The following MTOR variants were observed in gnomAD, a reference collection of about 807,000 sequenced individuals.
The protein encoded by MTOR is mechanistic target of rapamycin kinase.
Under a neutral mutation model 319.8 loss-of-function variants are expected in MTOR, and 70 were observed. That is an observed-to-expected ratio of 0.22 (90% CI 0.18 to 0.27). The LOEUF (loss-of-function observed/expected upper bound fraction) is 0.27. Ranked by LOEUF, MTOR falls within the 10% of genes least tolerant of loss-of-function variation. MTOR has a pLI of 1.00. For synonymous variants in MTOR, 1,183 were observed against 1,211.4 expected, an observed-to-expected ratio of 0.98 and a Z score of 0.49; for missense variants, 1,890 against 3,274.4, an observed-to-expected ratio of 0.58 and a Z score of 10.32.
intron 13 of MTOR, among the ~76,000 whole-genome samples, chr1:11,236,619 C>T (rs1647262212): frequency 6.6e-6 from 1 of 151,818 alleles, no homozygotes; most frequent in African/African-American, 2.4e-5. Context: ...GCAATTCTCC[C>T]TGCACCAGCC....
rs757447081 is a variant in MTOR, at chr1:11,194,653, C to T, written c.4253+4605G>A. 4.3e-5 allele frequency: 70 copies of T among 1,614,034 alleles called. No individual in the cohort carries two copies. The highest frequency in any genetic ancestry group is 5.0e-5 in the Non-Finnish European group (59 of 1,180,040). On this transcript the variant is annotated intron_variant, in intron 28 of 57. Transcript: ENST00000361445. ...CTGCTTGGACAAGTGTGCACAGCTC[C>T]GCAAAGGTGAGATTTGGGGGGACCG...
intron 26 of MTOR, among the ~76,000 whole-genome samples, chr1:11,202,016 G>A (rs1005524386): frequency 1.1e-4 from 16 of 152,224 alleles, no homozygotes; most frequent in African/African-American, 3.9e-4. Context: ...AGGTTGCCCA[G>A]GCTGGTCTTG....
chr1:11,194,554 G>A, intron 28 of MTOR: 1 of 1,614,160 alleles, frequency 6.2e-7, no homozygotes. Context: ...GAACTACACT[G>A]GCAATGTGGG....
intron 24 of MTOR, among the ~76,000 whole-genome samples, chr1:11,209,724 C>T (rs1039257960): frequency 5.3e-5 from 8 of 152,130 alleles, no homozygotes; most frequent in African/African-American, 1.9e-4. Context: ...AAACAATTGT[C>T]GGCAATGGGA....
rs1318269531 is a variant in MTOR, at chr1:11,150,109, T to C, written c.4570+17A>G. ...CTCACCCCATCCTTCACAGGGTGCCTGTGAGGGAAGCTTTACCTAAACCCC... is the reference window on the plus strand; with the variant it reads ...CTCACCCCATCCTTCACAGGGTGCCCGTGAGGGAAGCTTTACCTAAACCCC... On this transcript the variant is annotated intron_variant, in intron 31 of 57. Coordinates refer to ENST00000361445, the MANE Select transcript of MTOR (RefSeq NM_004958.4). 1 of 1,610,954 alleles carries C rather than the reference T, an allele frequency of 6.2e-7. No homozygotes were observed. Among genetic ancestry groups the C allele is most frequent in the Non-Finnish European group, 8.5e-7 (1 of 1,177,774 alleles).
intron 26 of MTOR, among the ~76,000 whole-genome samples, chr1:11,200,889 C>T (rs1645945727): frequency 6.6e-6 from 1 of 151,896 alleles, no homozygotes; most frequent in Admixed American, 6.6e-5. Context: ...GTGGTGGTGG[C>T]CTGTAGTCCC....
chr1:11,107,388 A>C lies in MTOR; in HGVS notation c.*97T>G, dbSNP rs1221065587. 1.9e-6 allele frequency: 3 copies of C among 1,565,716 alleles called. No individual in the cohort carries two copies. Among genetic ancestry groups the C allele is most frequent in the South Asian group, 1.2e-5 (1 of 83,430 alleles). On this transcript the variant is annotated 3_prime_UTR_variant, in exon 58 of 58. Coordinates refer to ENST00000361445, the MANE Select transcript of MTOR (RefSeq NM_004958.4). ...CATTTACATTTCAAAATATTTAACAAAGTCAAACTTTCTCACCATGGTTTC... is the reference window on the plus strand; with the variant it reads ...CATTTACATTTCAAAATATTTAACACAGTCAAACTTTCTCACCATGGTTTC...
rs1433194968 is a variant in MTOR, at chr1:11,231,258, C to T, written c.2649+42G>A. The T allele has an allele frequency of 1.9e-6, 3 of 1,612,012 alleles. No homozygotes were observed. In the African/African-American group the frequency reaches 4.0e-5, roughly 22 times the overall value. On this transcript the variant is annotated intron_variant, in intron 17 of 57. Transcript: ENST00000361445. The stretch of plus-strand genomic sequence containing the variant: ...GCAACCATCTCTCTCTTGCCATCGT[C>T]CCAGCAAAGTCTTTAAAGACCAAGT...
At chr1:11,228,511 G>T (rs2100852633) in intron 19 of MTOR, among the ~76,000 whole-genome samples, 157 bp downstream of exon 19, 1 of 152,168 alleles carries the variant, frequency 6.6e-6, no homozygotes, top group East Asian at 1.9e-4. Flanking sequence ...ACACTGGAGT[G>T]AGCTGATTGT....
chr1:11,256,879 C>G lies in MTOR; in HGVS notation c.504+54G>C, dbSNP rs565848493. ...CCTCAGAAGGAAGCAAAAGACCCCC[C>G]CATGACACCATCGTTCCCCAAGCCT... On this transcript the variant is annotated intron_variant, in intron 4 of 57. Transcript: ENST00000361445. 2.4e-4 allele frequency: 374 copies of G among 1,539,856 alleles called. 1 individual carries two copies. Among genetic ancestry groups the G allele is most frequent in the Admixed American group, 5.3e-4 (29 of 55,118 alleles).
intron 28 of MTOR, among the ~76,000 whole-genome samples, 165 bp from the exon 29 acceptor site, chr1:11,167,682 C>T (rs1254443227): frequency 1.3e-5 from 2 of 152,136 alleles, no homozygotes; most frequent in African/African-American, 2.4e-5. Context: ...CAGTTTAAAT[C>T]GTTTCATCTG....
At chr1:11,201,376 G>A (rs953233304) in intron 26 of MTOR, among the ~76,000 whole-genome samples, 1 of 152,160 alleles carries the variant, frequency 6.6e-6, no homozygotes, top group South Asian at 2.1e-4. Flanking sequence ...GGAAGTCCTA[G>A]AAACTATTTT....
intron 36 of MTOR, among the ~76,000 whole-genome samples, chr1:11,136,903 G>A (rs1296038604): frequency 6.7e-6 from 1 of 150,222 alleles, no homozygotes; most frequent in Non-Finnish European, 1.5e-5. Flanking sequence ...GTGCAGTGGC[G>A]TGATCTTGGC....
chr1:11,231,486 G>A, intron 16 of MTOR, 52 bp from the exon 17 acceptor site: 1 of 1,602,348 alleles, frequency 6.2e-7, no homozygotes, highest in Middle Eastern at 1.7e-4. Context: ...AGAAAAGAAA[G>A]CATAGTTGAA....
chr1:11,189,877 A>G, intron 28 of MTOR: 1 of 1,614,188 alleles, frequency 6.2e-7, no homozygotes, highest in African/African-American at 1.3e-5. Flanking sequence ...AGATGCTGAG[A>G]GCAAGTACTC....
intron 8 of MTOR, among the ~76,000 whole-genome samples, chr1:11,245,905 G>A (rs1648747808): frequency 6.6e-6 from 1 of 151,926 alleles, no homozygotes; most frequent in South Asian, 2.1e-4. Flanking sequence ...GCAAGACCCT[G>A]TCTCAAAAAA....
At chr1:11,196,632 A>G (rs1645794520) in intron 28 of MTOR, among the ~76,000 whole-genome samples, 1 of 152,160 alleles carries the variant, frequency 6.6e-6, no homozygotes, top group Admixed American at 6.5e-5. Context: ...AGGCGGGTGG[A>G]TCACGAGGTC....
At chr1:11,169,756 A>C (rs934870666) in intron 28 of MTOR, among the ~76,000 whole-genome samples, 3 of 152,126 alleles carry the variant, frequency 2.0e-5, no homozygotes, top group Non-Finnish European at 2.9e-5. Flanking sequence ...TTTGAATGTA[A>C]ATTCCTTATC....
chr1:11,260,766 C>T (rs1202283706), intron 1 of MTOR, among the ~76,000 whole-genome samples: 1 of 149,970 alleles, frequency 6.7e-6, no homozygotes, highest in South Asian at 2.1e-4. Context: ...TTTACACTTA[C>T]AACAATGTCA....
Sources: allele counts gnomAD v4.1 joint callset (sites outside exome capture counted in the v4.1 genomes callset), GRCh38; gene constraint gnomAD v4.1.1; transcripts MANE v1.5; gene names NCBI Gene and HGNC (gene_info 2026-07-23, HGNC 2026-07-21).